The following AHNAK2 variants were observed in gnomAD, a reference collection of about 807,000 sequenced individuals.
The protein encoded by AHNAK2 is AHNAK nucleoprotein 2.
A neutral mutation model predicts 30.7 loss-of-function variants in AHNAK2; 18 were observed. The observed-to-expected ratio is 0.59, with a 90% confidence interval of 0.41 to 0.87. The LOEUF is 0.87. AHNAK2 is among the 40% of genes least tolerant of loss of function. The pLI is 0.00. For synonymous variants in AHNAK2, 3,590 were observed against 3,073.8 expected (o/e 1.17, Z -5.56); for missense variants, 8,604 against 7,373.0 (o/e 1.17, Z -6.11).
rs781610062 is a variant in AHNAK2, at chr14:104,939,194, A to G, written c.16257T>C (p.Asn5419=). The G allele has an allele frequency of 1.2e-6, 2 of 1,613,610 alleles. No homozygotes were observed. The highest frequency in any genetic ancestry group is 1.7e-6 in the Non-Finnish European group (2 of 1,179,864). The change falls in exon 7 of 7, where the codon AAT becomes AAC. Residue 5419 remains asparagine (N), a synonymous_variant. Transcript: ENST00000333244. Reference sequence around the variant, plus strand: ...TTTCCTTACAAAGGGCTGTATCAATATTGGCCTCTGGACACTGCACTTCCC... The same window carrying G: ...TTTCCTTACAAAGGGCTGTATCAATGTTGGCCTCTGGACACTGCACTTCCC... ...TVREVQCPEA[N]IDTALCKESP...
In AHNAK2 at chr14:104,939,233, G is replaced by A; in HGVS notation, c.16218C>T (p.Phe5406=). The A allele has an allele frequency of 3.7e-6, 6 of 1,613,882 alleles. No individual in the cohort carries two copies. In the South Asian group the frequency reaches 5.5e-5, roughly 15 times the overall value. The change falls in exon 7 of 7, where the codon TTC becomes TTT. Residue 5406 remains phenylalanine, a synonymous_variant. Coordinates refer to ENST00000333244, the MANE Select transcript of AHNAK2 (RefSeq NM_138420.4). ...ACTGCACTTCCCTCACAGTGGGGAT[G>A]AACACATCATCCTCTGAGCTGGGGG... ...FPAPSSEDDV[F]IPTVREVQCP...
Position 104,942,399 on chromosome 14 carries a change from G to T in AHNAK2, c.13052C>A (p.Pro4351His), listed in dbSNP as rs533957888. Residue 4351 changes from proline to histidine, a missense_variant, in exon 7 of 7, where the codon CCT (proline) becomes CAT (histidine). Pro to His is a moderately conservative substitution (Grantham distance 77). Coordinates refer to ENST00000333244, the MANE Select transcript of AHNAK2 (RefSeq NM_138420.4). ...LKTTHLSIQP[P>H]SADLEVQAGQ... Reference sequence around the variant, plus strand: ...AGCCTGGACCTCCAGATCAGCGGAAGGGGGCTGAATGCTGAGGTGAGTGGT... The same window carrying T: ...AGCCTGGACCTCCAGATCAGCGGAATGGGGCTGAATGCTGAGGTGAGTGGT... The T allele has an allele frequency of 6.2e-7, 1 of 1,613,172 alleles. No homozygotes were observed. Among genetic ancestry groups the T allele is most frequent in the Non-Finnish European group, 8.5e-7 (1 of 1,179,646 alleles).
Position 104,978,204 on chromosome 14 carries a change from A to G in AHNAK2, c.34T>C (p.Trp12Arg). The change falls in exon 1 of 7, where the codon TGG (tryptophan) becomes CGG (arginine). Residue 12 changes from tryptophan (W) to arginine (R), a missense_variant. Coordinates refer to ENST00000333244, the MANE Select transcript of AHNAK2 (RefSeq NM_138420.4). Reference sequence around the variant, plus strand: ...GCACCGCTGCCGGGGGTTCCGGGCCAGGTGGGCAGCACCATGTGGAAGCAG... The same window carrying G: ...GCACCGCTGCCGGGGGTTCCGGGCCGGGTGGGCAGCACCATGTGGAAGCAG... ...CDCFHMVLPT[W>R]PGTPGSVSGR... 1.7e-6 allele frequency: 2 copies of G among 1,194,186 alleles called. No homozygotes were observed. The highest frequency in any genetic ancestry group is 2.1e-6 in the Non-Finnish European group (2 of 962,652). The allele number at this position is 1,194,186 out of a possible 1,614,324, so 74.0% of individuals were successfully genotyped here.
At position 104,943,327 on chromosome 14, in the gene AHNAK2, G is replaced by T; in HGVS notation, c.12124C>A (p.Pro4042Thr). 1 of 1,612,832 alleles carries T rather than the reference G, an allele frequency of 6.2e-7. No individual in the cohort carries two copies. The highest frequency in any genetic ancestry group is 1.3e-5 in the African/African-American group (1 of 74,776). Residue 4042 changes from proline to threonine, a missense_variant, in exon 7 of 7, where the codon CCC (proline) becomes ACC (threonine). By Grantham distance (38) the Pro-to-Thr change is conservative. Coordinates refer to ENST00000333244, the MANE Select transcript of AHNAK2 (RefSeq NM_138420.4). ...TGCCCTTTGAGGCTGGCTCCCTCGGGCACGGGGCCCTCTGGGAGTTTCACG... is the reference window on the plus strand; with the variant it reads ...TGCCCTTTGAGGCTGGCTCCCTCGGTCACGGGGCCCTCTGGGAGTTTCACG... Reference protein sequence around the residue: ...VDVKLPEGPVPEGASLKGHLP... With the variant: ...VDVKLPEGPVTEGASLKGHLP...
chr14:104,949,547 C>A lies in AHNAK2; in HGVS notation c.5904G>T (p.Ala1968=). ...VQAQKAKLDG[A]RLEGDLSLAD... ...CCAGGGACAGGTCTCCCTCCAGCCG[C>A]GCACCATCCAGCTTAGCCTTCTGGG... is the stretch of plus-strand genomic sequence containing the variant. Residue 1968 remains alanine, a synonymous_variant, in exon 7 of 7, where the codon GCG becomes GCT. Coordinates refer to ENST00000333244, the MANE Select transcript of AHNAK2 (RefSeq NM_138420.4). 1.3e-6 allele frequency: 2 copies of A among 1,588,022 alleles called. No homozygotes were observed. Among genetic ancestry groups the A allele is most frequent in the Non-Finnish European group, 8.6e-7 (1 of 1,163,072 alleles).
At chr14:104,967,501 C>G (rs1219397336) in intron 1 of AHNAK2, among the ~76,000 whole-genome samples, 1 of 152,216 alleles carries the variant, frequency 6.6e-6, no homozygotes, top group Non-Finnish European at 1.5e-5. Context: ...TGGGAACCTG[C>G]ATGGGGGAAG....
rs542195240 is a variant in AHNAK2 at position 104,949,197 on chromosome 14, T to C, written c.6254A>G (p.Asp2085Gly). 9.3e-6 allele frequency: 10 copies of C among 1,072,238 alleles called. No individual in the cohort carries two copies. In the South Asian group the frequency reaches 1.4e-4, roughly 15 times the overall value. 66.4% of individuals were successfully genotyped at this position (1,072,238 alleles called of 1,614,324 possible). A position where few individuals can be genotyped will look rare whatever the true frequency, so the allele number is the denominator to read the frequency against. ...EMPSLKMPKV[D>G]LKGPQVDIKG... ...GATGTCCACCTGGGGGCCCTTGAGGTCCACTTTGGGCATCTTCAAACTGGG... is the reference window on the plus strand; with the variant it reads ...GATGTCCACCTGGGGGCCCTTGAGGCCCACTTTGGGCATCTTCAAACTGGG... Residue 2085 changes from aspartate to glycine, a missense_variant, in exon 7 of 7, where the codon GAC (aspartate) becomes GGC (glycine). Physicochemically the swap from Asp to Gly is moderately conservative, Grantham distance 94. Transcript: ENST00000333244.
Position 104,946,167 on chromosome 14 carries a change from G to A in AHNAK2, c.9284C>T (p.Thr3095Met), listed in dbSNP as rs376964396. 217 of 1,611,118 alleles carry A rather than the reference G, an allele frequency of 1.3e-4. No homozygotes were observed. Among genetic ancestry groups the A allele is most frequent in the African/African-American group, 1.1e-3 (79 of 74,282 alleles). Residue 3095 changes from threonine to methionine, a missense_variant, in exon 7 of 7, where the codon ACG becomes ATG. Thr to Met is a moderately conservative substitution (Grantham distance 81). Coordinates refer to ENST00000333244, the MANE Select transcript of AHNAK2 (RefSeq NM_138420.4). ...GPKLDLKGPK[T>M]DVTAPDVEVS... ...CTCCACGTCGGGGGCCGTCACGTCC[G>A]TCTTCGGGCCTTTCAGGTCCAGCTT...
intron 1 of AHNAK2, among the ~76,000 whole-genome samples, chr14:104,962,518 T>C (rs1899177761): frequency 6.6e-6 from 1 of 152,178 alleles, no homozygotes; most frequent in Admixed American, 6.5e-5. Flanking sequence ...TTCTGCCTCC[T>C]GGGTTCAAGC....
chr14:104,964,282 A>G (rs1161032737), intron 1 of AHNAK2, among the ~76,000 whole-genome samples: 1 of 152,200 alleles, frequency 6.6e-6, no homozygotes, highest in African/African-American at 2.4e-5. Context: ...TAACAAAACC[A>G]CGAGGTGCCA....
At chr14:104,971,782 C>A (rs1004721892) in intron 1 of AHNAK2, among the ~76,000 whole-genome samples, 3 of 152,254 alleles carry the variant, frequency 2.0e-5, no homozygotes, top group Admixed American at 6.5e-5. Flanking sequence ...CTACGTGTAG[C>A]CCCCCTGGGA....
rs573395457 is a variant in AHNAK2, at chr14:104,949,872, G to C, written c.5579C>G (p.Pro1860Arg). The change falls in exon 7 of 7, where the codon CCC (proline) becomes CGC (arginine). Residue 1860 changes from proline (P) to arginine (R), a missense_variant. By Grantham distance (103) the Pro-to-Arg change is moderately radical. Coordinates refer to ENST00000333244, the MANE Select transcript of AHNAK2 (RefSeq NM_138420.4). Reference protein sequence around the residue: ...APKVEAEVSLPSMQGDLKTTD... With the variant: ...APKVEAEVSLRSMQGDLKTTD... ...GGTCTTGAGGTCCCCCTGCATGGAG[G>C]GGAGGCTCACTTCGGCCTCCACCTT... The C allele has an allele frequency of 6.3e-7, 1 of 1,588,040 alleles. No homozygotes were observed. Among genetic ancestry groups the C allele is most frequent in the Non-Finnish European group, 8.6e-7 (1 of 1,163,274 alleles).
chr14:104,959,021 C>T (rs1427095036), intron 1 of AHNAK2, among the ~76,000 whole-genome samples: 1 of 152,148 alleles, frequency 6.6e-6, no homozygotes, highest in Non-Finnish European at 1.5e-5. Flanking sequence ...TGATATCAAG[C>T]AACCTATCCT....
At chr14:104,956,798 A>T in intron 3 of AHNAK2, 109 bp from the exon 4 acceptor site, 1 of 973,224 alleles carries the variant, frequency 1.0e-6, no homozygotes, top group South Asian at 1.3e-5. Flanking sequence ...GGGGCCCAGA[A>T]CTTCCAACAC....
At position 104,948,518 on chromosome 14, in the gene AHNAK2, C is replaced by T. The variant is rs1476393538; in HGVS notation, c.6933G>A (p.Val2311=). 6.2e-7 allele frequency: 1 copy of T among 1,612,090 alleles called. No individual in the cohort carries two copies. The highest frequency in any genetic ancestry group is 1.7e-5 in the Admixed American group (1 of 59,854). ...TTTTGAACTTGCTGTCTTTGGCAGT[C>T]ACGTCCTTGTCGGCCAGGGACATGT... ...EGDMSLADKD[V]TAKDSKFKMP... The change falls in exon 7 of 7, where the codon GTG becomes GTA. Residue 2311 remains valine, a synonymous_variant. Transcript: ENST00000333244.
Position 104,943,679 on chromosome 14 carries a change from G to A in AHNAK2, c.11772C>T (p.Ala3924=), listed in dbSNP as rs1898105219. 5 of 1,613,266 alleles carry A rather than the reference G, an allele frequency of 3.1e-6. No individual in the cohort carries two copies. Among genetic ancestry groups the A allele is most frequent in the Non-Finnish European group, 4.2e-6 (5 of 1,179,688 alleles). The part of the protein sequence containing the change: ...DLKDPKVEVT[A]PDVEVSLPSV... Reference sequence around the variant, plus strand: ...TGGGCAGAGAAACCTCCACATCAGGGGCTGTCACTTCCACCTTGGGGTCTT... The same window carrying A: ...TGGGCAGAGAAACCTCCACATCAGGAGCTGTCACTTCCACCTTGGGGTCTT... The change falls in exon 7 of 7, where the codon GCC becomes GCT. Residue 3924 remains alanine (A), a synonymous_variant. Transcript: ENST00000333244.
rs767594417 is a variant in AHNAK2, at chr14:104,948,439, C to CG, written c.7011dup (p.Glu2338ArgfsTer28). On this transcript the variant is annotated frameshift_variant, in exon 7 of 7. Transcript: ENST00000333244. LOFTEE classifies it low-confidence loss of function (END_TRUNC). ...AACGCAGACACATCCGCTGAGGCCT[C>CG]GATGGACTTGCCAAGGGCAGACACC... The CG allele has an allele frequency of 2.5e-6, 4 of 1,609,860 alleles. No homozygotes were observed. Among genetic ancestry groups the CG allele is most frequent in the Non-Finnish European group, 3.4e-6 (4 of 1,178,118 alleles).
chr14:104,950,525 C>T lies in AHNAK2; in HGVS notation c.4926G>A (p.Gly1642=), dbSNP rs377234286. 1.8e-5 allele frequency: 29 copies of T among 1,586,478 alleles called. 3 individuals carry two copies. The highest frequency in any genetic ancestry group is 9.1e-5 in the East Asian group (4 of 44,198). Residue 1642 remains glycine, a synonymous_variant, in exon 7 of 7, where the codon GGG becomes GGA. Coordinates refer to ENST00000333244, the MANE Select transcript of AHNAK2 (RefSeq NM_138420.4). ...CCGCCTTGTCGGCCAGGGACAGGTC[C>T]CCCTCCAGCTGCGCACCATCCAGCT... ...RAKLDGAQLE[G]DLSLADKAVT...
Position 104,946,009 on chromosome 14 carries a change from A to C in AHNAK2, c.9442T>G (p.Phe3148Val), listed in dbSNP as rs1366965056. ...AKDSKFKMPK[F>V]KMPSFGVSAP... The stretch of plus-strand genomic sequence containing the variant: ...GACACCCCGAACGACGGCATCTTGA[A>C]CTTGGGCATTTTGAACTTGCTGTCT... Residue 3148 changes from phenylalanine (F) to valine (V), a missense_variant, in exon 7 of 7, where the codon TTC becomes GTC. By Grantham distance (50) the Phe-to-Val change is conservative (BLOSUM62 -1). Transcript: ENST00000333244. The C allele has an allele frequency of 1.4e-6, 2 of 1,478,268 alleles. No individual in the cohort carries two copies. The highest frequency in any genetic ancestry group is 2.3e-5 in the East Asian group (1 of 44,278). 91.6% of individuals were successfully genotyped at this position (1,478,268 alleles called of 1,614,324 possible).
Sources: gnomAD v4.1 joint callset for allele counts (sites outside exome capture counted in the v4.1 genomes callset) on GRCh38, gnomAD v4.1.1 for gene constraint, MANE v1.5 for transcripts, NCBI Gene and HGNC (gene_info 2026-07-23, HGNC 2026-07-21) for gene names.